The following SORCS3 variants were observed in gnomAD, a reference collection of about 807,000 sequenced individuals.
SORCS3 encodes VPS10 domain-containing receptor SorCS3.
Under a neutral mutation model 146.3 loss-of-function variants are expected in SORCS3, and 57 were observed. The ratio of observed to expected loss-of-function variants is 0.39; its 90% CI spans 0.31 to 0.49. The LOEUF (loss-of-function observed/expected upper bound fraction) is 0.49, where lower values mean the gene tolerates loss of function less well. SORCS3 is among the 20% of genes least tolerant of loss of function. The probability of loss-of-function intolerance (pLI) is 0.92; values close to 1 mark genes in which losing one functional copy is unlikely to be tolerated. For synonymous variants in SORCS3, 653 were observed against 618.5 expected (o/e 1.06, Z -0.83); for missense variants, 1,341 against 1,575.5 (o/e 0.85, Z 2.52).
chr10:104,741,759 G>A (rs1449861893), intron 1 of SORCS3, among the ~76,000 whole-genome samples: 1 of 9,608 alleles, frequency 1.0e-4, no homozygotes, highest in Non-Finnish European at 1.9e-4. Context: ...TTTAATTTTG[G>A]TTATTTTATT....
At chr10:104,934,429 G>A (rs1031315389) in intron 3 of SORCS3, among the ~76,000 whole-genome samples, 1 of 152,178 alleles carries the variant, frequency 6.6e-6, no homozygotes, top group Non-Finnish European at 1.5e-5. Flanking sequence ...TGTTTAAAGA[G>A]CAGGGACAGT....
At chr10:105,126,651 T>A (rs1441623233) in intron 7 of SORCS3, among the ~76,000 whole-genome samples, 2 of 152,178 alleles carry the variant, frequency 1.3e-5, no homozygotes, top group Non-Finnish European at 2.9e-5. Context: ...CTGCAGTATC[T>A]GGAATCTGGC....
intron 1 of SORCS3, among the ~76,000 whole-genome samples, chr10:104,713,134 T>C (rs967384514): frequency 3.3e-5 from 5 of 151,744 alleles, no homozygotes; most frequent in African/African-American, 1.2e-4. Context: ...TGTGCGTGTG[T>C]GTGTGTGTGT....
At chr10:104,655,468 C>T (rs2015616686) in intron 1 of SORCS3, among the ~76,000 whole-genome samples, 1 of 152,068 alleles carries the variant, frequency 6.6e-6, no homozygotes, top group Non-Finnish European at 1.5e-5. Context: ...CATGAGTTCT[C>T]ATCATTTAGC....
chr10:105,214,577 G>A lies in SORCS3; in HGVS notation c.2511G>A (p.Gln837=), dbSNP rs764288589. The A allele has an allele frequency of 6.2e-7, 1 of 1,604,502 alleles. No individual in the cohort carries two copies. The highest frequency in any genetic ancestry group is 8.5e-7 in the Non-Finnish European group (1 of 1,175,512). The change falls in exon 18 of 27, where the codon CAG becomes CAA. Residue 837 remains glutamine, a synonymous_variant. Coordinates refer to ENST00000369701, the MANE Select transcript of SORCS3 (RefSeq NM_014978.3). The part of the protein sequence containing the change: ...VTTDGRLVAE[Q]GHNATFIILM... ...CCGATGGGCGGCTGGTGGCAGAGCA[G>A]GGGCACAATGCAACTTTCATCATCC...
chr10:104,810,725 T>C (rs549841570), intron 1 of SORCS3, among the ~76,000 whole-genome samples: 4 of 152,344 alleles, frequency 2.6e-5, no homozygotes, highest in African/African-American at 4.8e-5. Flanking sequence ...GGGAATTTAC[T>C]TTGCTGAAAG....
intron 20 of SORCS3, among the ~76,000 whole-genome samples, chr10:105,236,027 C>A (rs1353602115): frequency 6.6e-6 from 1 of 152,032 alleles, no homozygotes; most frequent in Non-Finnish European, 1.5e-5. Context: ...AAATATAGAG[C>A]AAGATTCATG....
At position 104,694,165 on chromosome 10, in the gene SORCS3, C is replaced by T. The variant is rs142500552; in HGVS notation, c.627+52211C>T. On this transcript the variant is annotated intron_variant, in intron 1 of 26. Transcript: ENST00000369701. ...CGTTAGATTCAAGGATTCTTTTCTC[C>T]CCTTCTTCTTGGTGGGCAGAGGGAC... 5.1e-3 allele frequency among the ~76,000 whole-genome samples: 764 copies of T among 150,566 alleles called. 6 individuals are homozygous for T. Among genetic ancestry groups the T allele is most frequent in the African/African-American group, 0.014 (577 of 40,950 alleles).
chr10:104,674,805 A>G (rs749424972), intron 1 of SORCS3, among the ~76,000 whole-genome samples: 2 of 152,216 alleles, frequency 1.3e-5, no homozygotes, highest in Non-Finnish European at 2.9e-5. Flanking sequence ...TGTCTGTGAG[A>G]TTTAACCCTG....
intron 1 of SORCS3, among the ~76,000 whole-genome samples, chr10:104,783,116 CTAAT>C (rs2017393451): frequency 6.6e-6 from 1 of 152,130 alleles, no homozygotes; most frequent in African/African-American, 2.4e-5. Flanking sequence ...TGGAATGATT[CTAAT>C]TCCTCTTATA....
intron 2 of SORCS3, among the ~76,000 whole-genome samples, chr10:104,879,079 A>T (rs2133574020): frequency 6.6e-6 from 1 of 152,360 alleles, no homozygotes; most frequent in African/African-American, 2.4e-5. Flanking sequence ...GCACTTTAGG[A>T]TGGACAGATT....
chr10:105,122,244 CT>C (rs2055938826), intron 7 of SORCS3, among the ~76,000 whole-genome samples: 1 of 152,194 alleles, frequency 6.6e-6, no homozygotes, highest in Non-Finnish European at 1.5e-5. Flanking sequence ...AGAGTTTCAG[CT>C]TTAAAAAATT....
chr10:104,680,450 G>A (rs2015957604), intron 1 of SORCS3, among the ~76,000 whole-genome samples: 4 of 152,112 alleles, frequency 2.6e-5, no homozygotes, highest in Non-Finnish European at 5.9e-5. Context: ...GCAGGCCACC[G>A]ACCTTCTCCT....
intron 1 of SORCS3, among the ~76,000 whole-genome samples, chr10:104,791,348 A>C (rs2017493417): frequency 6.6e-6 from 1 of 152,352 alleles, no homozygotes; most frequent in East Asian, 1.9e-4. Flanking sequence ...TGAACTCGAC[A>C]AACAGCCTTT....
Position 104,917,848 on chromosome 10 carries a change from G to T in SORCS3, c.795+1916G>T, listed in dbSNP as rs182973752. Among the ~76,000 whole-genome samples, 346 of 152,232 alleles carry T rather than the reference G, an allele frequency of 2.3e-3. 3 individuals are homozygous for T. Among genetic ancestry groups the T allele is most frequent in the African/African-American group, 8.0e-3 (331 of 41,542 alleles). On this transcript the variant is annotated intron_variant, in intron 3 of 26. Coordinates refer to ENST00000369701, the MANE Select transcript of SORCS3 (RefSeq NM_014978.3). ...TTTTATGGATGAATGGTATTTTATT[G>T]TGTCTACGTACCACATTTTCTTCAT...
chr10:104,735,444 C>T (rs2016756593), intron 1 of SORCS3, among the ~76,000 whole-genome samples: 1 of 49,108 alleles, frequency 2.0e-5, no homozygotes, highest in South Asian at 1.1e-3. Flanking sequence ...TATTCATGAG[C>T]TCTCACCGTC....
At chr10:104,725,776 A>G (rs554288823) in intron 1 of SORCS3, among the ~76,000 whole-genome samples, 2 of 152,358 alleles carry the variant, frequency 1.3e-5, no homozygotes, top group African/African-American at 4.8e-5. Flanking sequence ...CCGCTGAGCC[A>G]TGCGCGGGAT....
At chr10:104,716,866 TAGATGTCAG>T (rs1238614536) in intron 1 of SORCS3, among the ~76,000 whole-genome samples, 1 of 152,160 alleles carries the variant, frequency 6.6e-6, no homozygotes, top group Non-Finnish European at 1.5e-5. Context: ...CTTAGTGAGT[TAGATGTCAG>T]CTGGCACTGC....
At chr10:104,721,462 T>C (rs2016547274) in intron 1 of SORCS3, among the ~76,000 whole-genome samples, 1 of 152,166 alleles carries the variant, frequency 6.6e-6, no homozygotes, top group Non-Finnish European at 1.5e-5. Flanking sequence ...CAATGCGGGC[T>C]CTTTTTTGGT....
Sources: gnomAD v4.1 joint callset for allele counts (sites outside exome capture counted in the v4.1 genomes callset) on GRCh38, gnomAD v4.1.1 for gene constraint, MANE v1.5 for transcripts, NCBI Gene and HGNC (gene_info 2026-07-23, HGNC 2026-07-21) for gene names.